Variants in ATAD3B observed in about 807,000 individuals in gnomAD.
The protein encoded by ATAD3B is ATPase family AAA domain-containing protein 3B.
A neutral mutation model predicts 70.2 loss-of-function variants in ATAD3B; 59 were observed. The observed-to-expected ratio is 0.84, with a 90% CI of 0.68 to 1.04. ATAD3B has a LOEUF of 1.04. Among genes scored for constraint, ATAD3B ranks in the 50% least tolerant of loss-of-function variants. The pLI, the probability that ATAD3B is intolerant of heterozygous loss-of-function variation, is 0.00. For missense variants in ATAD3B, 961 were observed against 913.4 expected, an observed-to-expected ratio of 1.05 and a Z score of -0.67; for synonymous variants, 423 against 388.6, an observed-to-expected ratio of 1.09 and a Z score of -1.04.
At chr1:1,476,474 G>T (rs1639594588) in intron 1 of ATAD3B, among the ~76,000 whole-genome samples, 1 of 151,502 alleles carries the variant, frequency 6.6e-6, no homozygotes, top group South Asian at 2.1e-4. Flanking sequence ...AGGAGCATCG[G>T]GGGTCCCTGC....
intron 4 of ATAD3B, among the ~76,000 whole-genome samples, 185 bp from the exon 5 acceptor site, chr1:1,480,682 C>T (rs928170158): frequency 6.8e-6 from 1 of 147,200 alleles, no homozygotes; most frequent in African/African-American, 2.5e-5. Flanking sequence ...CTGAACCCAT[C>T]CCCTCAGTGA....
At chr1:1,505,670 C>A in the ATAD3B span, among the ~76,000 whole-genome samples, 2 of 152,138 alleles carry the variant, frequency 1.3e-5, no homozygotes, top group Non-Finnish European at 2.9e-5. Context: ...CCTGTCCGGG[C>A]GTAACGGAAG....
At chr1:1,490,736 G>T (rs544330306) in intron 15 of ATAD3B, 65 bp downstream of exon 15, 1 of 1,532,430 alleles carries the variant, frequency 6.5e-7, no homozygotes, top group African/African-American at 1.4e-5. Context: ...GCTCAGTTGC[G>T]CCAGGCCTGT....
At chr1:1,482,426 A>G in intron 6 of ATAD3B, 119 bp from the exon 7 acceptor site, 5 of 1,588,366 alleles carry the variant, frequency 3.1e-6, no homozygotes, top group Non-Finnish European at 2.6e-6. Flanking sequence ...TGGTGGGGGC[A>G]CTGCCCCTCT....
At chr1:1,503,532 C>T in the ATAD3B span, 2 of 1,561,496 alleles carry the variant, frequency 1.3e-6, no homozygotes, top group Non-Finnish European at 8.7e-7. Context: ...GGTGCCTGCC[C>T]AGCGGCATCC....
chr1:1,487,979 G>T, intron 12 of ATAD3B, 65 bp downstream of exon 12: 1 of 1,595,166 alleles, frequency 6.3e-7, no homozygotes, highest in East Asian at 2.2e-5. Context: ...CTGTCATCCT[G>T]GGCCAGGCTG....
the ATAD3B span, among the ~76,000 whole-genome samples, chr1:1,504,447 C>T: frequency 2.0e-5 from 3 of 151,808 alleles, no homozygotes; most frequent in African/African-American, 4.8e-5. Flanking sequence ...GTTGGGAGTT[C>T]GAGACCAGCC....
rs1640423687 is a variant in ATAD3B at position 1,489,642 on chromosome 1, C to T, written c.1337+368C>T. 3.0e-6 allele frequency: 4 copies of T among 1,344,328 alleles called. No homozygotes were observed. The South Asian group carries it at 3.7e-5, about 12-fold the overall frequency. 83.3% of individuals were successfully genotyped at this position (1,344,328 alleles called of 1,614,324 possible). ...GCCCTATGTCCAGGCTCCCTCTTCC[C>T]TCCCAAATCCCTTAATTTTGAGTTT... On this transcript the variant is annotated intron_variant, in intron 13 of 15. Coordinates refer to ENST00000673477, the MANE Select transcript of ATAD3B (RefSeq NM_031921.6).
Position 1,482,264 on chromosome 1 carries a change from A to C in ATAD3B, c.641A>C (p.Lys214Thr), listed in dbSNP as rs1190307458. Residue 214 changes from lysine to threonine, a missense_variant, in exon 6 of 16, where the codon AAG becomes ACG. Physicochemically the swap from Lys to Thr is moderately conservative, Grantham distance 78. Coordinates refer to ENST00000673477, the MANE Select transcript of ATAD3B (RefSeq NM_031921.6). Reference protein sequence around the residue: ...ADIIREQIRLKASEHRQTVLE... With the variant: ...ADIIREQIRLTASEHRQTVLE... ...ATCATCCGCGAGCAGATCCGCCTGAAGGCGTCCGAGCACCGTCAGACCGTC... is the reference window on the plus strand; with the variant it reads ...ATCATCCGCGAGCAGATCCGCCTGACGGCGTCCGAGCACCGTCAGACCGTC... 2 of 1,611,018 alleles carry C rather than the reference A, an allele frequency of 1.2e-6. No individual in the cohort carries two copies. Among genetic ancestry groups the C allele is most frequent in the Non-Finnish European group, 1.7e-6 (2 of 1,179,308 alleles).
chr1:1,485,640 G>A (rs985693980), intron 8 of ATAD3B, 142 bp from the exon 9 acceptor site: 12 of 1,364,778 alleles, frequency 8.8e-6, no homozygotes, highest in Admixed American at 8.2e-5. Context: ...TCCCGGCGGG[G>A]CAGGGTTCCA....
At chr1:1,505,272 A>G in the ATAD3B span, among the ~76,000 whole-genome samples, 2 of 152,056 alleles carry the variant, frequency 1.3e-5, no homozygotes, top group African/African-American at 4.8e-5. Context: ...GGAGGGAGGG[A>G]GAGAGAGAGA....
Position 1,495,656 on chromosome 1 carries a change from T to A in ATAD3B, c.1786T>A (p.Trp596Arg). ...AGTCCAAGGCGAGACCCTCACCTCA[T>A]GGAGCCTGGCCACGGACCCCTCCTA... is the stretch of plus-strand genomic sequence containing the variant. ...SGVQGETLTS[W>R]SLATDPSYPC... The change falls in exon 16 of 16, where the codon TGG becomes AGG. Residue 596 changes from tryptophan (W) to arginine (R), a missense_variant. Transcript: ENST00000673477. 3 of 1,611,760 alleles carry A rather than the reference T, an allele frequency of 1.9e-6. No individual in the cohort carries two copies. Among genetic ancestry groups the A allele is most frequent in the Non-Finnish European group, 2.5e-6 (3 of 1,178,760 alleles).
Position 1,490,309 on chromosome 1 carries a change from A to T in ATAD3B, c.1390A>T (p.Asn464Tyr). The change falls in exon 14 of 16, where the codon AAC becomes TAC. Residue 464 changes from asparagine (N) to tyrosine (Y), a missense_variant. Around this residue, in one of 4 missense-constraint regions of ATAD3B, gnomAD observed 417 missense variants for 335.0 expected, o/e 1.24. Coordinates refer to ENST00000673477, the MANE Select transcript of ATAD3B (RefSeq NM_031921.6). Reference protein sequence around the residue: ...NLPEQFDCAINSRIDVMVHFD... With the variant: ...NLPEQFDCAIYSRIDVMVHFD... ...GCCTGAGCAGTTCGACTGTGCCATC[A>T]ACAGCCGCATTGACGTGATGGTCCA... is the stretch of plus-strand genomic sequence containing the variant. The T allele has an allele frequency of 6.2e-7, 1 of 1,613,196 alleles. No homozygotes were observed. The highest frequency in any genetic ancestry group is 8.5e-7 in the Non-Finnish European group (1 of 1,179,680).
Position 1,496,129 on chromosome 1 carries a change from C to CT in ATAD3B, c.*313dup. 8.8e-7 allele frequency: 1 copy of CT among 1,132,420 alleles called. No individual in the cohort carries two copies. The highest frequency in any genetic ancestry group is 4.8e-5 in the East Asian group (1 of 20,984). 70.1% of individuals were successfully genotyped at this position (1,132,420 alleles called of 1,614,324 possible). On this transcript the variant is annotated 3_prime_UTR_variant, in exon 16 of 16. Transcript: ENST00000673477. ...CCCGGCAGGGGTGTCTGAGGCCGCC[C>CT]TGTCAGCTGGCCGGTCCAAGCCTGT...
intron 15 of ATAD3B, among the ~76,000 whole-genome samples, chr1:1,495,117 G>A (rs1375320249): frequency 6.6e-6 from 1 of 152,082 alleles, no homozygotes; most frequent in African/African-American, 2.4e-5. Context: ...GAGGGTCTGA[G>A]GTGCACTATG....
At chr1:1,492,427 G>C (rs150550828) in intron 15 of ATAD3B, among the ~76,000 whole-genome samples, 2 of 151,174 alleles carry the variant, frequency 1.3e-5, no homozygotes, top group African/African-American at 4.9e-5. Flanking sequence ...CAGAGGATGC[G>C]GTGAGCTGAG....
In ATAD3B at chr1:1,495,992, G is replaced by T. The variant is rs888549583; in HGVS notation, c.*175G>T. The T allele has an allele frequency of 2.1e-5, 29 of 1,360,662 alleles. No individual in the cohort carries two copies. In the African/African-American group the frequency reaches 3.9e-4, roughly 18 times the overall value. The allele number at this position is 1,360,662 out of a possible 1,614,324, so 84.3% of individuals were successfully genotyped here. The stretch of plus-strand genomic sequence containing the variant: ...GGGGCAGAAGGAGTGGGGCAGGCGG[G>T]GTCTTTGTTCTCGGCTCCCACAGCA... On this transcript the variant is annotated 3_prime_UTR_variant, in exon 16 of 16. Transcript: ENST00000673477.
intron 12 of ATAD3B, among the ~76,000 whole-genome samples, chr1:1,488,158 TGTTGGTCAA>T (rs1368276828): frequency 6.6e-6 from 1 of 152,128 alleles, no homozygotes; most frequent in South Asian, 2.1e-4. Context: ...GGTTTCACCA[TGTTGGTCAA>T]GTTGGTCAAG....
chr1:1,482,749 T>C, intron 7 of ATAD3B, 135 bp downstream of exon 7: 1 of 1,428,642 alleles, frequency 7.0e-7, no homozygotes, highest in South Asian at 1.2e-5. Context: ...ACCCACGTTG[T>C]ACCTGCTGGG....
Sources: allele counts gnomAD v4.1 joint callset (sites outside exome capture counted in the v4.1 genomes callset), GRCh38; gene constraint gnomAD v4.1.1; regional missense constraint gnomAD v4.1.1; transcripts MANE v1.5; gene names NCBI Gene and HGNC (gene_info 2026-07-23, HGNC 2026-07-21).